The following SPAG16 variants were observed in gnomAD, a reference collection of about 807,000 sequenced individuals.
The protein encoded by SPAG16 is sperm-associated antigen 16 protein.
Under a neutral mutation model 80.4 loss-of-function variants are expected in SPAG16, and 86 were observed. That is an observed-to-expected ratio of 1.07 (90% confidence interval 0.90 to 1.28). The LOEUF (loss-of-function observed/expected upper bound fraction) is 1.28. Among genes scored for constraint, SPAG16 ranks in the 50% most tolerant of loss-of-function variants. SPAG16 has a pLI of 0.00. For missense variants in SPAG16, 870 were observed against 765.3 expected (o/e 1.14, Z -1.61); for synonymous variants, 294 against 265.9 (o/e 1.11, Z -1.03).
chr2:213,457,311 G>C (rs180772946), intron 9 of SPAG16, among the ~76,000 whole-genome samples: 1 of 152,262 alleles, frequency 6.6e-6, no homozygotes, highest in East Asian at 1.9e-4. Context: ...GTAGGGTGGA[G>C]ACATGAGAGA....
chr2:214,169,860 A>G (rs1319082919), intron 15 of SPAG16, among the ~76,000 whole-genome samples: 1 of 152,022 alleles, frequency 6.6e-6, no homozygotes, highest in Non-Finnish European at 1.5e-5. Flanking sequence ...GGGGATAAAA[A>G]GGGAAAACGG....
chr2:213,545,852 G>C (rs139065638), intron 10 of SPAG16, among the ~76,000 whole-genome samples: 1 of 152,152 alleles, frequency 6.6e-6, no homozygotes, highest in African/African-American at 2.4e-5. Flanking sequence ...GCCAAATGTT[G>C]ATGTCCATAG....
chr2:214,193,421 GTGT>G (rs2057724592), intron 15 of SPAG16, among the ~76,000 whole-genome samples: 1 of 125,786 alleles, frequency 8.0e-6, no homozygotes, highest in Non-Finnish European at 1.8e-5. Flanking sequence ...GTGTGTGTGT[GTGT>G]ATGAGAGAGA....
chr2:213,734,790 A>AT (rs986960818), intron 10 of SPAG16, among the ~76,000 whole-genome samples: 3 of 151,970 alleles, frequency 2.0e-5, no homozygotes, highest in Non-Finnish European at 4.4e-5. Context: ...TATGCTATTT[A>AT]TTTTTTTGAA....
chr2:214,128,599 T>G (rs536556442), intron 14 of SPAG16, among the ~76,000 whole-genome samples: 1 of 152,006 alleles, frequency 6.6e-6, no homozygotes, highest in African/African-American at 2.4e-5. Flanking sequence ...GATTTACATA[T>G]GAATTTATTC....
At chr2:213,895,504 G>A (rs2076959178) in intron 11 of SPAG16, among the ~76,000 whole-genome samples, 1 of 152,078 alleles carries the variant, frequency 6.6e-6, no homozygotes, top group South Asian at 2.1e-4. Context: ...CACACTACCT[G>A]ACTTCAAAAT....
intron 9 of SPAG16, among the ~76,000 whole-genome samples, chr2:213,400,433 C>T (rs1032798581): frequency 2.0e-5 from 3 of 152,104 alleles, no homozygotes; most frequent in African/African-American, 7.2e-5. Flanking sequence ...TTCAAATTTA[C>T]ATATGCATGG....
At chr2:214,114,070 G>C (rs1056043813) in intron 14 of SPAG16, among the ~76,000 whole-genome samples, 1 of 152,082 alleles carries the variant, frequency 6.6e-6, no homozygotes, top group Admixed American at 6.6e-5. Context: ...TTTTCCTTCT[G>C]ACAGTCAGGT....
chr2:213,730,926 A>AT (rs1488281580), intron 10 of SPAG16, among the ~76,000 whole-genome samples: 30 of 151,896 alleles, frequency 2.0e-4, no homozygotes, highest in Admixed American at 2.0e-3. Context: ...AGGCTCACTG[A>AT]TTTTTTCCTT....
intron 5 of SPAG16, among the ~76,000 whole-genome samples, chr2:213,336,102 T>C (rs2064346655): frequency 6.6e-6 from 1 of 152,080 alleles, no homozygotes. Context: ...AAGGAAGCTT[T>C]CTCCCCCAGC....
intron 13 of SPAG16, among the ~76,000 whole-genome samples, chr2:214,058,298 T>C (rs1472255965): frequency 1.3e-5 from 2 of 152,156 alleles, no homozygotes; most frequent in African/African-American, 4.8e-5. Flanking sequence ...TGTAGTGTTA[T>C]TAAATGGCCT....
intron 15 of SPAG16, among the ~76,000 whole-genome samples, chr2:214,372,161 T>C (rs1342933136): frequency 6.6e-6 from 1 of 152,132 alleles, no homozygotes; most frequent in Non-Finnish European, 1.5e-5. Flanking sequence ...TAGTGATTCT[T>C]TACACAGGAG....
chr2:214,354,885 TA>T (rs1190917561), intron 15 of SPAG16, among the ~76,000 whole-genome samples: 1 of 152,156 alleles, frequency 6.6e-6, no homozygotes, highest in Non-Finnish European at 1.5e-5. Flanking sequence ...CTTCTCAGCT[TA>T]AGGAGATTTT....
intron 15 of SPAG16, among the ~76,000 whole-genome samples, chr2:214,367,705 T>A (rs1473342220): frequency 6.6e-6 from 1 of 152,188 alleles, no homozygotes; most frequent in African/African-American, 2.4e-5. Context: ...TGCTGTTTCA[T>A]ATAAATATAC....
chr2:214,293,214 G>C (rs1484973209), intron 15 of SPAG16, among the ~76,000 whole-genome samples: 1 of 152,198 alleles, frequency 6.6e-6, no homozygotes, highest in Non-Finnish European at 1.5e-5. Flanking sequence ...CTGGGCAGTG[G>C]TGTGGTGTGC....
At chr2:213,549,995 G>T (rs2076735276) in intron 10 of SPAG16, among the ~76,000 whole-genome samples, 1 of 151,468 alleles carries the variant, frequency 6.6e-6, no homozygotes, top group African/African-American at 2.4e-5. Flanking sequence ...TGCCACTTAG[G>T]GTCTGAATAT....
At chr2:213,600,317 A>C (rs1302759348) in intron 10 of SPAG16, among the ~76,000 whole-genome samples, 1 of 152,124 alleles carries the variant, frequency 6.6e-6, no homozygotes, top group African/African-American at 2.4e-5. Context: ...GAGAGGATAG[A>C]ATTTTGAGGA....
At chr2:214,178,981 T>C (rs374553085) in intron 15 of SPAG16, among the ~76,000 whole-genome samples, 1 of 151,380 alleles carries the variant, frequency 6.6e-6, no homozygotes, top group East Asian at 1.9e-4. Flanking sequence ...ACATTTCTTT[T>C]GCAAACTAAG....
At chr2:214,020,762 G>T (rs148963635) in intron 13 of SPAG16, among the ~76,000 whole-genome samples, 2 of 152,208 alleles carry the variant, frequency 1.3e-5, no homozygotes, top group East Asian at 3.9e-4. Context: ...GTTTCCTCTT[G>T]TTCTGAGGTC....
Sources: allele counts gnomAD v4.1 joint callset (sites outside exome capture counted in the v4.1 genomes callset), GRCh38; gene constraint gnomAD v4.1.1; transcripts MANE v1.5; gene names NCBI Gene and HGNC (gene_info 2026-07-23, HGNC 2026-07-21).